Variants in CNTNAP5 observed in about 807,000 individuals in gnomAD.
CNTNAP5 encodes contactin-associated protein-like 5.
Under a neutral mutation model 150.2 loss-of-function variants are expected in CNTNAP5, and 72 were observed. The ratio of observed to expected loss-of-function variants is 0.48; its 90% CI spans 0.40 to 0.58. The LOEUF is 0.58. Ranked by LOEUF, CNTNAP5 falls within the 20% of genes least tolerant of loss-of-function variation. The pLI, the probability that CNTNAP5 is intolerant of heterozygous loss-of-function variation, is 0.00. For missense variants in CNTNAP5, 1,636 were observed against 1,626.2 expected, an observed-to-expected ratio of 1.01 and a Z score of -0.10; for synonymous variants, 672 against 619.8, an observed-to-expected ratio of 1.08 and a Z score of -1.25.
intron 1 of CNTNAP5, among the ~76,000 whole-genome samples, chr2:124,070,877 C>T (rs1217144456): frequency 1.3e-5 from 2 of 151,916 alleles, no homozygotes; most frequent in African/African-American, 4.8e-5. Context: ...AGCATTTCAT[C>T]CAATACCTCC....
chr2:124,904,777 A>G lies in CNTNAP5; in HGVS notation c.3655+1677A>G, dbSNP rs149259699. On this transcript the variant is annotated intron_variant, in intron 22 of 23. Coordinates refer to ENST00000682447, the MANE Select transcript of CNTNAP5 (RefSeq NM_001367498.1). The stretch of plus-strand genomic sequence containing the variant: ...AGACCTGAGACTGTAAACTCCAGGA[A>G]GGGAACATAAGGACAGATCTCCTTA... 1.2e-3 allele frequency among the ~76,000 whole-genome samples: 181 copies of G among 152,172 alleles called. 1 individual carries two copies. The highest frequency in any genetic ancestry group is 4.1e-3 in the African/African-American group (171 of 41,548).
chr2:124,489,041 T>C (rs1317902247), intron 7 of CNTNAP5, among the ~76,000 whole-genome samples: 1 of 152,220 alleles, frequency 6.6e-6, no homozygotes, highest in Non-Finnish European at 1.5e-5. Context: ...ACTACGTAGC[T>C]AGTGGAATCC....
intron 14 of CNTNAP5, among the ~76,000 whole-genome samples, chr2:124,758,084 A>G (rs923572853): frequency 2.6e-5 from 4 of 152,184 alleles, no homozygotes; most frequent in African/African-American, 9.7e-5. Context: ...AGTTTATGTC[A>G]CCAGCCCCAA....
intron 4 of CNTNAP5, among the ~76,000 whole-genome samples, chr2:124,426,088 C>T (rs774344018): frequency 2.6e-5 from 4 of 152,112 alleles, no homozygotes; most frequent in African/African-American, 9.7e-5. Flanking sequence ...GAAGGCGAGT[C>T]TTACTGTTAG....
rs1013668857 is a variant in CNTNAP5 at position 124,747,465 on chromosome 2, A to C, written c.2234+80A>C. The stretch of plus-strand genomic sequence containing the variant: ...ATAAAATTCCCCAAGACAGAAGGAC[A>C]TGGATGAGAAATTCAATACAAACTG... On this transcript the variant is annotated intron_variant, in intron 14 of 23. Coordinates refer to ENST00000682447, the MANE Select transcript of CNTNAP5 (RefSeq NM_001367498.1). 21 of 1,514,828 alleles carry C rather than the reference A, an allele frequency of 1.4e-5. No individual in the cohort carries two copies. In the Admixed American group the frequency reaches 1.7e-4, roughly 12 times the overall value. 93.8% of individuals were successfully genotyped at this position (1,514,828 alleles called of 1,614,324 possible). A position where few individuals can be genotyped will look rare whatever the true frequency, so the allele number is the denominator to read the frequency against.
At chr2:124,240,751 A>C (rs1044361183) in intron 2 of CNTNAP5, among the ~76,000 whole-genome samples, 1 of 152,158 alleles carries the variant, frequency 6.6e-6, no homozygotes, top group African/African-American at 2.4e-5. Flanking sequence ...AATTTGCAAG[A>C]TGTGCCTTTA....
At chr2:124,125,541 C>T (rs975339096) in intron 1 of CNTNAP5, among the ~76,000 whole-genome samples, 10 of 152,278 alleles carry the variant, frequency 6.6e-5, no homozygotes, top group African/African-American at 2.2e-4. Context: ...AGGAATTGAA[C>T]TCAGATCTGC....
intron 11 of CNTNAP5, among the ~76,000 whole-genome samples, chr2:124,572,264 G>C (rs1309572300): frequency 6.6e-6 from 1 of 152,020 alleles, no homozygotes; most frequent in Non-Finnish European, 1.5e-5. Flanking sequence ...AACTGGATGT[G>C]AGAAAGTCTT....
At chr2:124,149,881 T>G (rs1684362264) in intron 1 of CNTNAP5, among the ~76,000 whole-genome samples, 1 of 152,238 alleles carries the variant, frequency 6.6e-6, no homozygotes, top group Admixed American at 6.5e-5. Flanking sequence ...AAGCAGGTTC[T>G]TCACCCTCTC....
chr2:124,226,941 A>G (rs531488577), intron 2 of CNTNAP5, among the ~76,000 whole-genome samples: 2 of 152,092 alleles, frequency 1.3e-5, no homozygotes, highest in African/African-American at 2.4e-5. Flanking sequence ...CCATTAAACC[A>G]TTAATCCATT....
intron 1 of CNTNAP5, among the ~76,000 whole-genome samples, chr2:124,174,167 G>C (rs1190950766): frequency 1.3e-5 from 2 of 151,724 alleles, no homozygotes; most frequent in Non-Finnish European, 2.9e-5. Context: ...AATGCACCTG[G>C]TTACCCAAGA....
intron 2 of CNTNAP5, among the ~76,000 whole-genome samples, chr2:124,234,780 A>G (rs565590995): frequency 3.3e-5 from 5 of 152,300 alleles, no homozygotes; most frequent in Admixed American, 1.3e-4. Context: ...TTCCAAAGGG[A>G]AGATATTTAT....
chr2:124,290,024 TG>T (rs1688246964), intron 3 of CNTNAP5, among the ~76,000 whole-genome samples: 1 of 152,116 alleles, frequency 6.6e-6, no homozygotes, highest in South Asian at 2.1e-4. Context: ...AAATATTCAT[TG>T]GGTTTTGGGG....
At chr2:124,388,135 C>T (rs1448837729) in intron 3 of CNTNAP5, among the ~76,000 whole-genome samples, 1 of 152,208 alleles carries the variant, frequency 6.6e-6, no homozygotes, top group Non-Finnish European at 1.5e-5. Context: ...GATACGTTAA[C>T]TCCCCATGCT....
intron 5 of CNTNAP5, among the ~76,000 whole-genome samples, chr2:124,435,426 T>C (rs1426775953): frequency 6.6e-6 from 1 of 151,440 alleles, no homozygotes; most frequent in Admixed American, 6.6e-5. Context: ...AAGGGTAAGC[T>C]GAGTACAAAA....
chr2:124,136,357 C>T (rs1683971753), intron 1 of CNTNAP5, among the ~76,000 whole-genome samples: 1 of 152,100 alleles, frequency 6.6e-6, no homozygotes, highest in South Asian at 2.1e-4. Flanking sequence ...TACAGACTTT[C>T]AAGGGGGTTA....
At position 124,747,788 on chromosome 2, in the gene CNTNAP5, C is replaced by CTTTTT. The variant is rs34959025; in HGVS notation, c.2234+428_2234+432dup. On this transcript the variant is annotated intron_variant, in intron 14 of 23. Transcript: ENST00000682447. ...GCACATGCCACCACTCCTAACTCTTCTTTTTTTTTTTTTTTTTTTTTTTTT... is the reference window on the plus strand; with the variant it reads ...GCACATGCCACCACTCCTAACTCTTCTTTTTTTTTTTTTTTTTTTTTTTTTTTTTT... Among the ~76,000 whole-genome samples, 130 of 42,468 alleles carry CTTTTT rather than the reference C, an allele frequency of 3.1e-3. 4 individuals carry two copies. The highest frequency in any genetic ancestry group is 3.5e-3 in the Non-Finnish European group (77 of 22,118). 27.9% of individuals were successfully genotyped at this position (42,468 alleles called of 152,430 possible). A position where few individuals can be genotyped will look rare whatever the true frequency, so the allele number is the denominator to read the frequency against.
At chr2:124,088,161 A>G (rs1453320841) in intron 1 of CNTNAP5, among the ~76,000 whole-genome samples, 1 of 152,150 alleles carries the variant, frequency 6.6e-6, no homozygotes, top group Non-Finnish European at 1.5e-5. Context: ...GATAAGTTTT[A>G]TTGTTTAATC....
intron 1 of CNTNAP5, among the ~76,000 whole-genome samples, chr2:124,173,220 C>T (rs1684977810): frequency 6.6e-6 from 1 of 152,146 alleles, no homozygotes; most frequent in Admixed American, 6.6e-5. Flanking sequence ...CTCCTTATTG[C>T]CTGACACACA....
Sources: allele counts gnomAD v4.1 joint callset (sites outside exome capture counted in the v4.1 genomes callset), GRCh38; gene constraint gnomAD v4.1.1; transcripts MANE v1.5; gene names NCBI Gene and HGNC (gene_info 2026-07-23, HGNC 2026-07-21).